Variants in ROBO2 observed in about 807,000 individuals in gnomAD.
ROBO2 encodes the protein roundabout homolog 2.
In ROBO2, 53 loss-of-function variants were observed where a neutral mutation model predicts 160.8. The observed-to-expected ratio is 0.33, with a 90% CI of 0.26 to 0.41. The LOEUF (loss-of-function observed/expected upper bound fraction) is 0.41, where lower values mean the gene tolerates loss of function less well. ROBO2 is among the 10% of genes least tolerant of loss of function. The pLI, the probability that ROBO2 is intolerant of heterozygous loss-of-function variation, is 1.00. For synonymous variants in ROBO2, 664 were observed against 611.7 expected, an observed-to-expected ratio of 1.09 and a Z score of -1.26; for missense variants, 1,577 against 1,722.4, an observed-to-expected ratio of 0.92 and a Z score of 1.49.
chr3:76,678,928 T>C (rs2106870277), intron 2 of ROBO2, among the ~76,000 whole-genome samples: 1 of 152,306 alleles, frequency 6.6e-6, no homozygotes, highest in Non-Finnish European at 1.5e-5. Flanking sequence ...TCATTACTTA[T>C]TTACTTATAG....
intron 6 of ROBO2, among the ~76,000 whole-genome samples, chr3:77,545,460 T>C (rs2092662325): frequency 1.3e-5 from 2 of 152,114 alleles, no homozygotes; most frequent in African/African-American, 4.8e-5. Flanking sequence ...CTGAGTCTTA[T>C]TGTGTTTCGT....
At chr3:76,362,134 G>A (rs1237757004) in intron 2 of ROBO2, among the ~76,000 whole-genome samples, 2 of 152,114 alleles carry the variant, frequency 1.3e-5, no homozygotes, top group Non-Finnish European at 2.9e-5. Flanking sequence ...GGAGGCCAAG[G>A]TGGGAGGATC....
chr3:77,602,635 C>T, intron 20 of ROBO2, 144 bp downstream of exon 21: 1 of 987,524 alleles, frequency 1.0e-6, no homozygotes, highest in South Asian at 1.5e-5. Context: ...TTTCCAGTAA[C>T]TTGAGTAATT....
At chr3:76,145,744 G>A (rs2071861812) in intron 2 of ROBO2, among the ~76,000 whole-genome samples, 1 of 151,902 alleles carries the variant, frequency 6.6e-6, no homozygotes, top group African/African-American at 2.4e-5. Flanking sequence ...TCTAACTGAA[G>A]TAAAATGTTG....
chr3:76,823,991 A>C (rs1251986992), intron 2 of ROBO2, among the ~76,000 whole-genome samples: 2 of 152,154 alleles, frequency 1.3e-5, no homozygotes, highest in Non-Finnish European at 2.9e-5. Context: ...GGAGGTGAGC[A>C]ATCCTGGTTT....
At chr3:77,166,883 A>G (rs1221129207) in intron 2 of ROBO2, among the ~76,000 whole-genome samples, 1 of 152,170 alleles carries the variant, frequency 6.6e-6, no homozygotes, top group African/African-American at 2.4e-5. Context: ...TAAGCAGTCC[A>G]GGCCAATTGT....
chr3:76,209,693 G>A (rs1471907907), intron 2 of ROBO2, among the ~76,000 whole-genome samples: 5 of 152,056 alleles, frequency 3.3e-5, no homozygotes, highest in Non-Finnish European at 7.4e-5. Flanking sequence ...CTTGTACAAA[G>A]ATGTAATAAA....
At chr3:76,921,955 G>A (rs1055975936) in intron 2 of ROBO2, among the ~76,000 whole-genome samples, 20 of 152,028 alleles carry the variant, frequency 1.3e-4, no homozygotes, top group African/African-American at 4.8e-4. Context: ...TTACAAAGCA[G>A]AATGAAATAA....
intron 1 of ROBO2, among the ~76,000 whole-genome samples, chr3:77,097,535 C>A (rs533104053): frequency 7.2e-5 from 11 of 152,230 alleles, no homozygotes; most frequent in Non-Finnish European, 1.5e-5. Context: ...TTTGCCTCAT[C>A]TGTTAAATGC....
chr3:76,978,699 C>T lies in ROBO2; in HGVS notation c.110-119315C>T, dbSNP rs560158255. On this transcript the variant is annotated intron_variant, in intron 2 of 26. Coordinates refer to the ROBO2 transcript ENST00000487694. ...AGGTAACAGATACTTAACTCAGTTT[C>T]GAGAAGAGAAATTGCAACCTTATAA... is the stretch of plus-strand genomic sequence containing the variant. 1.1e-4 allele frequency among the ~76,000 whole-genome samples: 16 copies of T among 152,018 alleles called. No individual in the cohort carries two copies. The South Asian group carries it at 3.3e-3, about 32-fold the overall frequency.
chr3:76,190,022 A>AT (rs1301800190), intron 2 of ROBO2, among the ~76,000 whole-genome samples: 1 of 151,998 alleles, frequency 6.6e-6, no homozygotes, highest in African/African-American at 2.4e-5. Flanking sequence ...GTTCAGCTGT[A>AT]TTTTTTTGAA....
chr3:76,140,546 C>T (rs1294196192), intron 2 of ROBO2, among the ~76,000 whole-genome samples: 1 of 151,968 alleles, frequency 6.6e-6, no homozygotes, highest in East Asian at 1.9e-4. Flanking sequence ...CAGTGAAATC[C>T]TATCACTTTA....
chr3:77,438,539 TACACACACACAC>T (rs77955703), intron 2 of ROBO2, among the ~76,000 whole-genome samples: 42,199 of 147,174 alleles, frequency 0.29, 6,575 homozygotes, highest in Non-Finnish European at 0.36. Context: ...GAGAAGGGGA[TACACACACACAC>T]ACACACACAC....
At chr3:77,016,346 AC>A (rs2062252504) in intron 2 of ROBO2, among the ~76,000 whole-genome samples, 1 of 151,958 alleles carries the variant, frequency 6.6e-6, no homozygotes, top group Non-Finnish European at 1.5e-5. Flanking sequence ...TCATGGTGCC[AC>A]TGTAAATCAG....
chr3:77,265,346 G>C (rs998422998), intron 2 of ROBO2, among the ~76,000 whole-genome samples: 2 of 152,144 alleles, frequency 1.3e-5, no homozygotes, highest in African/African-American at 2.4e-5. Context: ...ATTTCGTAAG[G>C]TGTAGGCCAT....
chr3:77,137,277 C>A (rs6548480), intron 2 of ROBO2, among the ~76,000 whole-genome samples: 152,294 of 152,294 alleles, frequency 1, 76,147 homozygotes, highest in Non-Finnish European at 1. Flanking sequence ...CCCAGGCTGG[C>A]GTGCAATGGT....
chr3:76,840,589 A>G (rs2324691), intron 2 of ROBO2, among the ~76,000 whole-genome samples: 18,674 of 147,880 alleles, frequency 0.13, 1,354 homozygotes, highest in East Asian at 0.25. Context: ...CAGCCTGGGC[A>G]TCAGAGTGAG....
intron 2 of ROBO2, among the ~76,000 whole-genome samples, chr3:76,629,684 G>C (rs983337865): frequency 6.6e-6 from 1 of 152,102 alleles, no homozygotes; most frequent in Non-Finnish European, 1.5e-5. Context: ...GACACGCCCA[G>C]AAACAATACG....
At chr3:76,305,350 C>T (rs1355560289) in intron 2 of ROBO2, among the ~76,000 whole-genome samples, 4 of 114,970 alleles carry the variant, frequency 3.5e-5, no homozygotes, top group South Asian at 3.0e-4. Context: ...ATGATCTCAC[C>T]ACTGCACTTC....
Sources: gnomAD v4.1 joint callset for allele counts (sites outside exome capture counted in the v4.1 genomes callset) on GRCh38, gnomAD v4.1.1 for gene constraint, MANE v1.5 for transcripts, NCBI Gene and HGNC (gene_info 2026-07-23, HGNC 2026-07-21) for gene names.